The following WNT2 variants were observed in gnomAD, a reference collection of about 807,000 sequenced individuals.
The protein encoded by WNT2 is protein Wnt-2.
WNT2 carries 12 observed loss-of-function variants against 36.9 expected under a neutral mutation model. The ratio of observed to expected loss-of-function variants is 0.33; its 90% CI spans 0.21 to 0.53. The LOEUF (loss-of-function observed/expected upper bound fraction) is 0.53. WNT2 is among the 20% of genes least tolerant of loss of function. The pLI is 0.95. For synonymous variants in WNT2, 163 were observed against 174.6 expected (o/e 0.93, Z 0.52); for missense variants, 379 against 473.1 (o/e 0.80, Z 1.84).
In WNT2 at chr7:117,297,679, C is replaced by A; in HGVS notation, c.786G>T (p.Lys262Asn). 6.2e-7 allele frequency: 1 copy of A among 1,614,110 alleles called. No homozygotes were observed. The highest frequency in any genetic ancestry group is 1.3e-5 in the African/African-American group (1 of 75,018). The change falls in exon 4 of 5, where the codon AAG becomes AAT. Residue 262 changes from lysine (K) to asparagine (N), a missense_variant. Transcript: ENST00000265441. ...AATACACGAGGTCATTTTTCGTTGG[C>A]TTCTTAAACCTCTCGTTAGCCACAG... ...GFTVANERFKKPTKNDLVYFE... is the reference protein window; with the variant it reads ...GFTVANERFKNPTKNDLVYFE...
In WNT2 at chr7:117,297,882, G is replaced by A. The variant is rs527942211; in HGVS notation, c.589-6C>T. The A allele has an allele frequency of 2.1e-5, 34 of 1,602,572 alleles. No individual in the cohort carries two copies. Among genetic ancestry groups the A allele is most frequent in the Admixed American group, 5.1e-5 (3 of 59,342 alleles). On this transcript the variant is annotated splice_polypyrimidine_tract_variant and splice_region_variant and intron_variant, in intron 3 of 4. Coordinates refer to ENST00000265441, the MANE Select transcript of WNT2 (RefSeq NM_003391.3). ...TTCAAGAACCGCTTTACAGCCTGCC[G>A]AAAAAGACAGGGGCAAGTTCAGTGA...
At chr7:117,307,070 T>G (rs1795028505) in intron 3 of WNT2, among the ~76,000 whole-genome samples, 1 of 152,130 alleles carries the variant, frequency 6.6e-6, no homozygotes. Flanking sequence ...AGTGTTCTTT[T>G]TTTCTTTTAA....
chr7:117,314,368 A>G (rs1277291510), intron 3 of WNT2, among the ~76,000 whole-genome samples: 1 of 152,240 alleles, frequency 6.6e-6, no homozygotes, highest in Admixed American at 6.5e-5. Context: ...CTAACTTTCT[A>G]GTCCTTTCTA....
At chr7:117,317,725 T>C (rs1360890028) in intron 2 of WNT2, among the ~76,000 whole-genome samples, 1 of 152,174 alleles carries the variant, frequency 6.6e-6, no homozygotes, top group African/African-American at 2.4e-5. Context: ...CTATTGAAGT[T>C]TCTCTAATTT....
rs556589825 is a variant in WNT2 at position 117,276,768 on chromosome 7, G to C, written c.*1387C>G. The C allele has an allele frequency of 2.6e-5, 4 of 152,252 alleles. No individual in the cohort carries two copies. The South Asian group carries it at 8.3e-4, about 32-fold the overall frequency. The allele number at this position is 152,252 out of a possible 1,614,324, so 9.4% of individuals were successfully genotyped here. On this transcript the variant is annotated 3_prime_UTR_variant, in exon 5 of 5. Transcript: ENST00000265441. ...TTCTTTCATTTAACATAAAAAAACGGTGCAGGCAGCCTCTCCATTTTCCCT... is the reference window on the plus strand; with the variant it reads ...TTCTTTCATTTAACATAAAAAAACGCTGCAGGCAGCCTCTCCATTTTCCCT...
chr7:117,287,619 C>T (rs748324175), intron 4 of WNT2, among the ~76,000 whole-genome samples: 6 of 151,472 alleles, frequency 4.0e-5, no homozygotes, highest in Non-Finnish European at 8.8e-5. Flanking sequence ...TCTTCTTATG[C>T]TTTCTTCTAT....
At chr7:117,318,424 G>T (rs1202041422) in intron 2 of WNT2, among the ~76,000 whole-genome samples, 1 of 152,212 alleles carries the variant, frequency 6.6e-6, no homozygotes, top group East Asian at 1.9e-4. Context: ...AGAATGGAAA[G>T]AAATTGTGTA....
intron 2 of WNT2, among the ~76,000 whole-genome samples, chr7:117,317,398 GTAT>G (rs1267530745): frequency 2.0e-5 from 3 of 152,254 alleles, no homozygotes; most frequent in Admixed American, 1.3e-4. Flanking sequence ...TATTTGTCAT[GTAT>G]TATTCAAACA....
intron 3 of WNT2, among the ~76,000 whole-genome samples, chr7:117,308,312 T>A (rs1795050434): frequency 6.6e-6 from 1 of 152,242 alleles, no homozygotes; most frequent in South Asian, 2.1e-4. Flanking sequence ...CTAGAAAATA[T>A]AAGGTGTGGA....
At chr7:117,309,647 C>G (rs1364142180) in intron 3 of WNT2, among the ~76,000 whole-genome samples, 1 of 152,162 alleles carries the variant, frequency 6.6e-6, no homozygotes, top group East Asian at 1.9e-4. Context: ...TTTTATATGG[C>G]AACCCTAGTT....
intron 3 of WNT2, 37 bp from the exon 4 acceptor site, chr7:117,297,913 G>A (rs769799959): frequency 8.2e-6 from 13 of 1,578,738 alleles, no homozygotes; most frequent in Admixed American, 3.4e-5. Flanking sequence ...AGTGAGGTTC[G>A]AGCAGGTGAC....
chr7:117,314,560 C>A (rs1267647444), intron 3 of WNT2, among the ~76,000 whole-genome samples: 2 of 152,200 alleles, frequency 1.3e-5, no homozygotes, highest in African/African-American at 2.4e-5. Flanking sequence ...GCACCAGAAA[C>A]AACAAGGTGG....
At chr7:117,321,420 G>T (rs1282665265) in intron 1 of WNT2, among the ~76,000 whole-genome samples, 1 of 151,912 alleles carries the variant, frequency 6.6e-6, no homozygotes, top group Non-Finnish European at 1.5e-5. Context: ...TCTTTCTATT[G>T]TTATTAAGGA....
intron 4 of WNT2, among the ~76,000 whole-genome samples, chr7:117,292,413 T>C (rs1038307167): frequency 1.3e-5 from 2 of 152,182 alleles, no homozygotes; most frequent in Admixed American, 6.5e-5. Flanking sequence ...TTAAGTAACT[T>C]TGCGGAACCT....
rs542297311 is a variant in WNT2 at position 117,276,795 on chromosome 7, A to T, written c.*1360T>A. The T allele has an allele frequency of 3.3e-5, 5 of 152,308 alleles. No homozygotes were observed. The East Asian group carries it at 9.7e-4, about 29-fold the overall frequency. 9.4% of individuals were successfully genotyped at this position (152,308 alleles called of 1,614,324 possible). ...GCAGGCAGCCTCTCCATTTTCCCTG[A>T]ATGTCATCTTTTGGCTGATGGCAGA... On this transcript the variant is annotated 3_prime_UTR_variant, in exon 5 of 5. Coordinates refer to ENST00000265441, the MANE Select transcript of WNT2 (RefSeq NM_003391.3).
In WNT2 at chr7:117,297,491, G is replaced by C; in HGVS notation, c.853+121C>G. 3 of 1,289,376 alleles carry C rather than the reference G, an allele frequency of 2.3e-6. No homozygotes were observed. In the South Asian group the frequency reaches 4.3e-5, roughly 19 times the overall value. The allele number at this position is 1,289,376 out of a possible 1,614,324, so 79.9% of individuals were successfully genotyped here. The stretch of plus-strand genomic sequence containing the variant: ...AGCCCTGTACAGTTTCAATAAGAAT[G>C]ATAAGGATCGTGAGCTTTGAACCTA... On this transcript the variant is annotated intron_variant, in intron 4 of 4. Transcript: ENST00000265441.
intron 4 of WNT2, among the ~76,000 whole-genome samples, chr7:117,296,586 C>T (rs1794794854): frequency 6.6e-6 from 1 of 152,096 alleles, no homozygotes; most frequent in Non-Finnish European, 1.5e-5. Context: ...GCTGTGGACT[C>T]CCATCACCTC....
rs6956195 is a variant in WNT2, at chr7:117,281,965, G to C, written c.854-3581C>G. Among the ~76,000 whole-genome samples, 951 of 152,268 alleles carry C rather than the reference G, an allele frequency of 6.2e-3. 11 individuals carry two copies. Among genetic ancestry groups the C allele is most frequent in the African/African-American group, 0.022 (895 of 41,556 alleles). On this transcript the variant is annotated intron_variant, in intron 4 of 4. Coordinates refer to ENST00000265441, the MANE Select transcript of WNT2 (RefSeq NM_003391.3). The stretch of plus-strand genomic sequence containing the variant: ...CAAGAGGCTTGGTGATGAAGAGGAT[G>C]AAAGAGAGTAGGGCCAAGAGTGGTG...
At chr7:117,313,295 A>G (rs1029524514) in intron 3 of WNT2, among the ~76,000 whole-genome samples, 2 of 152,244 alleles carry the variant, frequency 1.3e-5, no homozygotes, top group African/African-American at 4.8e-5. Flanking sequence ...ATCTCCTTGA[A>G]AAAGTCTGCC....
Sources: gnomAD v4.1 joint callset for allele counts (sites outside exome capture counted in the v4.1 genomes callset) on GRCh38, gnomAD v4.1.1 for gene constraint, MANE v1.5 for transcripts, NCBI Gene and HGNC (gene_info 2026-07-23, HGNC 2026-07-21) for gene names.